PAG1: variants seen among roughly 807,000 people sequenced by gnomAD.
PAG1 encodes the protein phosphoprotein associated with glycosphingolipid-enriched microdomains 1.
In PAG1, 23 loss-of-function variants were observed where a neutral mutation model predicts 31.7. That is an observed-to-expected ratio of 0.73 (90% CI 0.52 to 1.03). The LOEUF (loss-of-function observed/expected upper bound fraction) is 1.03. PAG1 is among the 50% of genes least tolerant of loss of function. The probability of loss-of-function intolerance (pLI) is 0.00; values close to 1 mark genes in which losing one functional copy is unlikely to be tolerated. For synonymous variants in PAG1, 214 were observed against 210.3 expected (o/e 1.02, Z -0.15); for missense variants, 473 against 540.7 (o/e 0.87, Z 1.24).
chr8:81,058,491 G>A (rs1160656216), intron 2 of PAG1: 1 of 152,390 alleles, frequency 6.6e-6, no homozygotes, highest in Non-Finnish European at 1.5e-5. Flanking sequence ...TGTGCCTGTA[G>A]GAGGCTAAGG....
At chr8:80,998,606 C>A (rs1402165529) in intron 3 of PAG1, among the ~76,000 whole-genome samples, 9 of 78,300 alleles carry the variant, frequency 1.1e-4, no homozygotes, top group South Asian at 8.2e-4. Flanking sequence ...AAAAAAAAAA[C>A]CACACAAATT....
rs1402456008 is a variant in PAG1, at chr8:80,990,874, G to T, written c.177+605C>A. On this transcript the variant is annotated intron_variant, in intron 5 of 8. Coordinates refer to ENST00000220597, the MANE Select transcript of PAG1 (RefSeq NM_018440.4). The surrounding 1 kb of genome is among the most constrained non-coding windows in gnomAD (Gnocchi z 5.1). ...GAATATGGTCTCATTTGGAAATAGG[G>T]TCATTGCAGACGAAGCTAGTTAATA... 6.6e-6 allele frequency among the ~76,000 whole-genome samples: 1 copy of T among 152,204 alleles called. No homozygotes were observed. The highest frequency in any genetic ancestry group is 6.5e-5 in the Admixed American group (1 of 15,282).
Position 81,086,233 on chromosome 8 carries a change from G to A in PAG1, c.-233-16063C>T, listed in dbSNP as rs538343804. Reference sequence around the variant, plus strand: ...CCTGACCTCGTGATCCGCCCGCCTCGGCCTCCCAAAGTGCTGGGATTACAG... The same window carrying A: ...CCTGACCTCGTGATCCGCCCGCCTCAGCCTCCCAAAGTGCTGGGATTACAG... On this transcript the variant is annotated intron_variant, in intron 1 of 8. Transcript: ENST00000220597. 7.3e-5 allele frequency among the ~76,000 whole-genome samples: 11 copies of A among 151,708 alleles called. No homozygotes were observed. The East Asian group carries it at 1.9e-3, about 27-fold the overall frequency.
intron 2 of PAG1, among the ~76,000 whole-genome samples, chr8:81,048,951 A>T (rs549725210): frequency 9.6e-4 from 146 of 152,342 alleles, no homozygotes; most frequent in African/African-American, 3.2e-3. Flanking sequence ...GAGAAAATAA[A>T]GCAAAATTTA....
chr8:81,054,966 T>C (rs1157233633), intron 2 of PAG1, among the ~76,000 whole-genome samples: 1 of 152,166 alleles, frequency 6.6e-6, no homozygotes, highest in Non-Finnish European at 1.5e-5. Context: ...GTGGCCATTA[T>C]AATTATTATA....
At chr8:80,991,572 C>T in intron 4 of PAG1, 42 bp from the exon 5 acceptor site, 3 of 1,471,764 alleles carry the variant, frequency 2.0e-6, no homozygotes, top group Non-Finnish European at 1.9e-6. Flanking sequence ...AATGTGCCCC[C>T]TTAAAATCAA....
rs141139960 is a variant in PAG1 at position 81,071,901 on chromosome 8, T to C, written c.-233-1731A>G. ...ACCCAAGCCCCTGGCATTGTGACAATTTCCCCATCACAGTGCCCAGCCTGT... is the reference window on the plus strand; with the variant it reads ...ACCCAAGCCCCTGGCATTGTGACAACTTCCCCATCACAGTGCCCAGCCTGT... On this transcript the variant is annotated intron_variant, in intron 1 of 8. Coordinates refer to ENST00000220597, the MANE Select transcript of PAG1 (RefSeq NM_018440.4). Among the ~76,000 whole-genome samples the C allele has an allele frequency of 2.0e-3, 304 of 152,276 alleles. 1 individual carries two copies. The highest frequency in any genetic ancestry group is 7.1e-3 in the African/African-American group (295 of 41,544).
At chr8:81,099,072 A>C (rs1227003909) in intron 1 of PAG1, among the ~76,000 whole-genome samples, 2 of 152,222 alleles carry the variant, frequency 1.3e-5, no homozygotes, top group Admixed American at 1.3e-4. Context: ...CTAAATGTGA[A>C]TATTCATCTA....
intron 1 of PAG1, among the ~76,000 whole-genome samples, chr8:81,092,237 G>T (rs909014668): frequency 6.8e-6 from 1 of 146,590 alleles, no homozygotes; most frequent in African/African-American, 2.5e-5. Context: ...AGAAAAATTA[G>T]CTGGGCATGG....
At chr8:81,067,391 G>A (rs1809025996) in intron 2 of PAG1, 1 of 152,170 alleles carries the variant, frequency 6.6e-6, no homozygotes, top group African/African-American at 2.4e-5. Context: ...GAAAATGAAA[G>A]ATTAATTAGA....
At position 81,087,120 on chromosome 8, in the gene PAG1, G is replaced by A. The variant is rs190279946; in HGVS notation, c.-233-16950C>T. Among the ~76,000 whole-genome samples, 432 of 152,258 alleles carry A rather than the reference G, an allele frequency of 2.8e-3. 2 individuals are homozygous for A. Among genetic ancestry groups the A allele is most frequent in the African/African-American group, 9.7e-3 (405 of 41,544 alleles). ...AGCACTTTGGGAGGCCAAGGCGGGC[G>A]GATCCCGAGGTCAGGAGATGGAGAC... On this transcript the variant is annotated intron_variant, in intron 1 of 8. Transcript: ENST00000220597.
intron 2 of PAG1, among the ~76,000 whole-genome samples, chr8:81,068,651 A>G (rs1809046766): frequency 6.6e-6 from 1 of 152,230 alleles, no homozygotes; most frequent in Non-Finnish European, 1.5e-5. Context: ...TAGAGCATTC[A>G]CTGTGTGTTA....
chr8:81,011,101 A>G (rs935643298), intron 3 of PAG1, among the ~76,000 whole-genome samples: 1 of 152,158 alleles, frequency 6.6e-6, no homozygotes, highest in African/African-American at 2.4e-5. Context: ...CTGAAAGCAT[A>G]TTATTTATTG....
chr8:80,975,578 CAT>C lies in PAG1; in HGVS notation c.*964_*965del, dbSNP rs1336028206. 1 of 152,116 alleles carries C rather than the reference CAT, an allele frequency of 6.6e-6. No homozygotes were observed. Among genetic ancestry groups the C allele is most frequent in the Non-Finnish European group, 1.5e-5 (1 of 68,016 alleles). The allele number at this position is 152,116 out of a possible 1,614,324, so 9.4% of individuals were successfully genotyped here. A position where few individuals can be genotyped will look rare whatever the true frequency, so the allele number is the denominator to read the frequency against. On this transcript the variant is annotated 3_prime_UTR_variant, in exon 9 of 9. Coordinates refer to ENST00000220597, the MANE Select transcript of PAG1 (RefSeq NM_018440.4). ...CACTGTTGGTGTGGGCAGCGGAGAC[CAT>C]GGGAAATACACATTCATGTCCACAG...
intron 1 of PAG1, among the ~76,000 whole-genome samples, chr8:81,096,471 G>A (rs1265572794): frequency 6.6e-6 from 1 of 152,194 alleles, no homozygotes; most frequent in African/African-American, 2.4e-5. Context: ...ACAAAAAGAT[G>A]ACAGCTCAAT....
chr8:81,025,940 A>G (rs187057195), intron 3 of PAG1, among the ~76,000 whole-genome samples: 2 of 152,258 alleles, frequency 1.3e-5, no homozygotes, highest in East Asian at 1.9e-4. Flanking sequence ...GGGGCCTGAC[A>G]GTTAAGCAAG....
At chr8:81,108,935 T>C (rs1478692048) in intron 1 of PAG1, among the ~76,000 whole-genome samples, 1 of 152,208 alleles carries the variant, frequency 6.6e-6, no homozygotes, top group Non-Finnish European at 1.5e-5. Flanking sequence ...ACTGAATGCA[T>C]ATCCAGGGAT....
chr8:81,056,394 G>A (rs1172708237), intron 2 of PAG1, among the ~76,000 whole-genome samples: 17 of 152,096 alleles, frequency 1.1e-4, no homozygotes, highest in South Asian at 2.1e-4. Flanking sequence ...GGAACAGAAC[G>A]GAGCCCTCAG....
At chr8:81,086,043 G>A (rs1252923437) in intron 1 of PAG1, among the ~76,000 whole-genome samples, 1 of 134,244 alleles carries the variant, frequency 7.4e-6, no homozygotes, top group African/African-American at 3.0e-5. Context: ...GTGCAGTGGC[G>A]CGATCTCGGC....
Sources: gnomAD v4.1 joint callset for allele counts (sites outside exome capture counted in the v4.1 genomes callset) on GRCh38, gnomAD v4.1.1 for gene constraint, Gnocchi (gnomAD v3.1) non-coding constraint, MANE v1.5 for transcripts, NCBI Gene and HGNC (gene_info 2026-07-23, HGNC 2026-07-21) for gene names.